CABLES2: variants seen among roughly 807,000 people sequenced by gnomAD.
CABLES2 encodes the protein Cdk5 and Abl enzyme substrate 2, also known as CDK5 and ABL1 enzyme substrate 2.
CABLES2 carries 35 observed loss-of-function variants against 44.8 expected under a neutral mutation model. The ratio of observed to expected loss-of-function variants is 0.78; its 90% CI spans 0.60 to 1.04. The LOEUF (loss-of-function observed/expected upper bound fraction) is 1.04. CABLES2 is among the 50% of genes least tolerant of loss of function. The probability of loss-of-function intolerance (pLI) is 0.00; values close to 1 mark genes in which losing one functional copy is unlikely to be tolerated. For synonymous variants in CABLES2, 282 were observed against 281.1 expected (o/e 1.00, Z -0.03); for missense variants, 566 against 615.7 (o/e 0.92, Z 0.85).
rs765219271 is a variant in CABLES2, at chr20:62,390,974, G to C, written c.1434C>G (p.Phe478Leu). ...LPHYRRLTQQ[F>L] is the part of the protein sequence containing the mutation. ...TGAGCCTTCTGTGGGGCCTCTGCTA[G>C]AACTGCTGGGTGAGGCGCCTGTAAT... The change falls in exon 10 of 10, where the codon TTC (phenylalanine) becomes TTG (leucine). Residue 478 changes from phenylalanine (F) to leucine (L), a missense_variant. Transcript: ENST00000279101. The C allele has an allele frequency of 6.2e-7, 1 of 1,614,128 alleles. No homozygotes were observed. Among genetic ancestry groups the C allele is most frequent in the East Asian group, 2.2e-5 (1 of 44,886 alleles).
chr20:62,394,324 C>T, intron 4 of CABLES2, 59 bp from the exon 5 acceptor site: 1 of 1,405,846 alleles, frequency 7.1e-7, no homozygotes, highest in South Asian at 1.1e-5. Flanking sequence ...CTCTGGCAGC[C>T]CAGCCCACCT....
chr20:62,398,119 T>TGAC (rs1569017661), intron 1 of CABLES2, among the ~76,000 whole-genome samples: 3 of 134,936 alleles, frequency 2.2e-5, no homozygotes, highest in African/African-American at 5.9e-5. Flanking sequence ...GTGGTGGTGG[T>TGAC]GGTGGTTATG....
In CABLES2 at chr20:62,398,100, GTGGTGA is replaced by G. The variant is rs1569017588; in HGVS notation, c.363-1514_363-1509del. Among the ~76,000 whole-genome samples, 49 of 139,604 alleles carry G rather than the reference GTGGTGA, an allele frequency of 3.5e-4. 1 individual carries two copies. The highest frequency in any genetic ancestry group is 6.3e-4 in the African/African-American group (23 of 36,562). 91.6% of individuals were successfully genotyped at this position (139,604 alleles called of 152,430 possible). Reference sequence around the variant, plus strand: ...GGTGGTGGTGGTGACGGTGGTGGTGGTGGTGATGGTGGTGGTGGTGGTGGTTATGAC... The same window carrying G: ...GGTGGTGGTGGTGACGGTGGTGGTGGTGGTGGTGGTGGTGGTGGTTATGAC... On this transcript the variant is annotated intron_variant, in intron 1 of 9. Coordinates refer to ENST00000279101, the MANE Select transcript of CABLES2 (RefSeq NM_031215.3).
At chr20:62,397,581 G>A (rs1450691450) in intron 1 of CABLES2, among the ~76,000 whole-genome samples, 3 of 152,178 alleles carry the variant, frequency 2.0e-5, no homozygotes, top group South Asian at 2.1e-4. Context: ...GAGACATGAC[G>A]TGGTTCAGTA....
At chr20:62,394,533 C>T (rs1987980471) in intron 4 of CABLES2, among the ~76,000 whole-genome samples, 1 of 152,202 alleles carries the variant, frequency 6.6e-6, no homozygotes, top group African/African-American at 2.4e-5. Context: ...CCACTAGGTA[C>T]ATGTGCCCAC....
At chr20:62,397,678 T>C (rs1988043460) in intron 1 of CABLES2, among the ~76,000 whole-genome samples, 1 of 152,184 alleles carries the variant, frequency 6.6e-6, no homozygotes, top group South Asian at 2.1e-4. Flanking sequence ...CTCTCCCTTA[T>C]ACCGGGAGCC....
intron 3 of CABLES2, among the ~76,000 whole-genome samples, chr20:62,395,940 G>A (rs1381861422): frequency 6.6e-6 from 1 of 152,218 alleles, no homozygotes; most frequent in South Asian, 2.1e-4. Flanking sequence ...CAGGTGTTTG[G>A]TTTATTCAGC....
intron 1 of CABLES2, among the ~76,000 whole-genome samples, chr20:62,401,737 G>A (rs1383289439): frequency 1.3e-5 from 2 of 152,218 alleles, no homozygotes; most frequent in Non-Finnish European, 2.9e-5. Context: ...TCCCCTCAGT[G>A]TGGGGGAGGG....
At chr20:62,398,949 A>AT (rs1241125410) in intron 1 of CABLES2, among the ~76,000 whole-genome samples, 3 of 152,112 alleles carry the variant, frequency 2.0e-5, no homozygotes, top group Non-Finnish European at 2.9e-5. Flanking sequence ...TGATGCTGTC[A>AT]TTTTTTTCTT....
At chr20:62,406,536 G>C (rs1197548645) in intron 1 of CABLES2, among the ~76,000 whole-genome samples, 1 of 128,086 alleles carries the variant, frequency 7.8e-6, no homozygotes, top group African/African-American at 3.2e-5. Flanking sequence ...CTATGTGTGG[G>C]GGGTGACAGG....
At chr20:62,398,555 G>A (rs1047100711) in intron 1 of CABLES2, among the ~76,000 whole-genome samples, 1 of 152,194 alleles carries the variant, frequency 6.6e-6, no homozygotes, top group Admixed American at 6.5e-5. Flanking sequence ...GAACTCTCCA[G>A]GCTCCAGGCC....
chr20:62,400,418 G>A (rs1169679594), intron 1 of CABLES2, among the ~76,000 whole-genome samples: 1 of 152,216 alleles, frequency 6.6e-6, no homozygotes, highest in Non-Finnish European at 1.5e-5. Flanking sequence ...CCTGTGATGG[G>A]TGACGGCGGA....
rs1220804567 is a variant in CABLES2 at position 62,393,583 on chromosome 20, A to G, written c.737T>C (p.Leu246Pro). ...DGKVVSYAKFLYPTNALVTHK... is the reference protein window; with the variant it reads ...DGKVVSYAKFPYPTNALVTHK... ...TGTGACCAGGGCGTTGGTGGGATAC[A>G]GGAACTTCGCATAAGACACGACCTG... The change falls in exon 6 of 10, where the codon CTG (leucine) becomes CCG (proline). Residue 246 changes from leucine (L) to proline (P), a missense_variant. Physicochemically the swap from Leu to Pro is moderately conservative, Grantham distance 98. Around this residue, in one of 2 missense-constraint regions of CABLES2, gnomAD observed 436 missense variants for 536.3 expected, o/e 0.81. Transcript: ENST00000279101. 1 of 1,603,330 alleles carries G rather than the reference A, an allele frequency of 6.2e-7. No individual in the cohort carries two copies. Among genetic ancestry groups the G allele is most frequent in the Non-Finnish European group, 8.5e-7 (1 of 1,174,168 alleles).
rs376503850 is a variant in CABLES2 at position 62,391,311 on chromosome 20, C to T, written c.1234G>A (p.Val412Met). The T allele has an allele frequency of 1.8e-5, 29 of 1,613,064 alleles. No individual in the cohort carries two copies. The highest frequency in any genetic ancestry group is 1.6e-4 in the African/African-American group (12 of 74,948). Residue 412 changes from valine (V) to methionine (M), a missense_variant, in exon 9 of 10, where the codon GTG (valine) becomes ATG (methionine). By Grantham distance (21) the Val-to-Met change is conservative (BLOSUM62 1). This residue lies in a region of CABLES2 where 436 missense variants were observed against 536.3 expected (regional missense o/e 0.81). Coordinates refer to ENST00000279101, the MANE Select transcript of CABLES2 (RefSeq NM_031215.3). This position sits in a 1 kb window ranked among gnomAD's most constrained non-coding sequence, Gnocchi z 5.7. ...CTGCTGATCTTGGCAGCCAGCAGCA[C>T]GCAGGCGCCAGCGCACAGCTTGCGG... ...QNRKLCAGAC[V>M]LLAAKISSDL...
chr20:62,393,570 G>A lies in CABLES2; in HGVS notation c.750C>T (p.Asn250=), dbSNP rs749145077. ...VSYAKFLYPT[N]ALVTHKSDSH... is the part of the protein sequence containing the mutation. ...TGTCACTCTTGTGTGTGACCAGGGC[G>A]TTGGTGGGATACAGGAACTTCGCAT... Residue 250 remains asparagine (N), a synonymous_variant, in exon 6 of 10, where the codon AAC becomes AAT. Coordinates refer to ENST00000279101, the MANE Select transcript of CABLES2 (RefSeq NM_031215.3). 21 of 1,609,252 alleles carry A rather than the reference G, an allele frequency of 1.3e-5. No individual in the cohort carries two copies. The East Asian group carries it at 2.7e-4, about 21-fold the overall frequency.
intron 1 of CABLES2, among the ~76,000 whole-genome samples, chr20:62,397,158 A>G (rs1317946402): frequency 1.3e-5 from 2 of 152,176 alleles, no homozygotes; most frequent in Admixed American, 1.3e-4. Flanking sequence ...TCCGTCTGGA[A>G]CATTCTGTTC....
At chr20:62,393,838 C>T (rs7271621) in intron 5 of CABLES2, among the ~76,000 whole-genome samples, 2,073 of 152,338 alleles carry the variant, frequency 0.014, 42 homozygotes, top group African/African-American at 0.046. Flanking sequence ...CTGTAACGTT[C>T]TCCCTGCCTC....
chr20:62,397,984 C>CGAT, intron 1 of CABLES2, among the ~76,000 whole-genome samples: 1 of 43,862 alleles, frequency 2.3e-5, no homozygotes. Flanking sequence ...GTGGTGATGG[C>CGAT]GGTGGTGGTG....
rs2146419486 is a variant in CABLES2 at position 62,393,722 on chromosome 20, G to A, written c.715-117C>T. 7.9e-6 allele frequency: 9 copies of A among 1,136,352 alleles called. No homozygotes were observed. The South Asian group carries it at 1.1e-4, about 14-fold the overall frequency. The allele number at this position is 1,136,352 out of a possible 1,614,324, so 70.4% of individuals were successfully genotyped here. A position where few individuals can be genotyped will look rare whatever the true frequency, so the allele number is the denominator to read the frequency against. On this transcript the variant is annotated intron_variant, in intron 5 of 9. Transcript: ENST00000279101. The stretch of plus-strand genomic sequence containing the variant: ...CAGGAGCCCTGCATGGAAAATGAAG[G>A]GAACAACTCAGATCAAGCCGTTGAG...
Sources: allele counts gnomAD v4.1 joint callset (sites outside exome capture counted in the v4.1 genomes callset), GRCh38; gene constraint gnomAD v4.1.1; regional missense constraint gnomAD v4.1.1; non-coding constraint Gnocchi (gnomAD v3.1); transcripts MANE v1.5; gene names NCBI Gene and HGNC (gene_info 2026-07-23, HGNC 2026-07-21).